Variants in TEAD1 observed in about 807,000 individuals in gnomAD.
TEAD1 encodes the protein transcriptional enhancer factor TEF-1.
TEAD1 carries 9 observed loss-of-function variants against 54.9 expected under a neutral mutation model. The observed-to-expected ratio is 0.16, with a 90% CI of 0.10 to 0.29. TEAD1 has a LOEUF of 0.29. Among genes scored for constraint, TEAD1 ranks in the 10% least tolerant of loss-of-function variants. The pLI is 1.00. For synonymous variants in TEAD1, 200 were observed against 187.8 expected, an observed-to-expected ratio of 1.07 and a Z score of -0.53; for missense variants, 387 against 535.9, an observed-to-expected ratio of 0.72 and a Z score of 2.74.
intron 12 of TEAD1, among the ~76,000 whole-genome samples, chr11:12,935,942 A>G (rs555451303): frequency 3.9e-5 from 6 of 152,260 alleles, no homozygotes; most frequent in African/African-American, 1.4e-4. Flanking sequence ...GATGTACTGC[A>G]AGACTATTCT....
At chr11:12,773,754 T>C (rs1945360409) in intron 3 of TEAD1, among the ~76,000 whole-genome samples, 1 of 152,236 alleles carries the variant, frequency 6.6e-6, no homozygotes, top group Non-Finnish European at 1.5e-5. Flanking sequence ...AAAGAACTTT[T>C]AGCAGAGCAA....
intron 5 of TEAD1, among the ~76,000 whole-genome samples, chr11:12,876,190 A>G (rs970990902): frequency 6.6e-6 from 1 of 152,202 alleles, no homozygotes; most frequent in Non-Finnish European, 1.5e-5. Flanking sequence ...GAAGAAAAAG[A>G]TCATGTTCTG....
rs547842741 is a variant in TEAD1 at position 12,702,798 on chromosome 11, T to G, written c.-55+27237T>G. 2.0e-5 allele frequency among the ~76,000 whole-genome samples: 3 copies of G among 152,322 alleles called. No individual in the cohort carries two copies. The East Asian group carries it at 5.8e-4, about 29-fold the overall frequency. ...TCAGCAGGTTAATTAATTTGCTGCA[T>G]CATCATCACCATCATTATCCGATAA... On this transcript the variant is annotated intron_variant, in intron 2 of 12. Transcript: ENST00000527636.
At chr11:12,793,875 C>T (rs746978949) in intron 3 of TEAD1, among the ~76,000 whole-genome samples, 20 of 152,272 alleles carry the variant, frequency 1.3e-4, no homozygotes, top group Middle Eastern at 3.4e-3. Flanking sequence ...GTTCAAAAGC[C>T]GTTCCTTACT....
At chr11:12,918,020 A>G (rs539862645) in intron 10 of TEAD1, among the ~76,000 whole-genome samples, 5 of 152,226 alleles carry the variant, frequency 3.3e-5, no homozygotes, top group Non-Finnish European at 7.3e-5. Context: ...GTGGTTAGGT[A>G]AAAGCTGATT....
At chr11:12,711,315 A>T (rs1429935775) in intron 2 of TEAD1, among the ~76,000 whole-genome samples, 1 of 152,202 alleles carries the variant, frequency 6.6e-6, no homozygotes, top group Non-Finnish European at 1.5e-5. Context: ...AGGAGTTGGA[A>T]GAGATTGAGG....
intron 2 of TEAD1, among the ~76,000 whole-genome samples, chr11:12,678,070 T>A (rs1376791354): frequency 2.0e-5 from 3 of 152,154 alleles, no homozygotes; most frequent in Non-Finnish European, 4.4e-5. Context: ...GTAGAGAGAT[T>A]GTGAAAGGGA....
chr11:12,922,220 G>T (rs1306740040), intron 10 of TEAD1, among the ~76,000 whole-genome samples: 1 of 43,062 alleles, frequency 2.3e-5, no homozygotes, highest in Admixed American at 2.4e-4. Context: ...TTTTTGAGAC[G>T]GAGTCTCGCT....
At chr11:12,774,496 A>G (rs4757914) in intron 3 of TEAD1, among the ~76,000 whole-genome samples, 11,171 of 152,186 alleles carry the variant, frequency 0.073, 1,405 homozygotes, top group African/African-American at 0.25. Flanking sequence ...GAACAGTGGG[A>G]CAGGAGGTAT....
intron 3 of TEAD1, among the ~76,000 whole-genome samples, chr11:12,807,653 G>T (rs973643617): frequency 1.3e-5 from 2 of 152,224 alleles, no homozygotes; most frequent in Non-Finnish European, 2.9e-5. Flanking sequence ...TGTAAGGAAG[G>T]CCTATGGGTT....
At chr11:12,776,324 C>A (rs943243297) in intron 3 of TEAD1, among the ~76,000 whole-genome samples, 8 of 152,262 alleles carry the variant, frequency 5.3e-5, no homozygotes, top group African/African-American at 1.9e-4. Flanking sequence ...CATAGGCTCA[C>A]ACCGCAAATA....
intron 9 of TEAD1, among the ~76,000 whole-genome samples, chr11:12,885,905 C>T (rs1299729241): frequency 6.6e-6 from 1 of 152,194 alleles, no homozygotes; most frequent in Non-Finnish European, 1.5e-5. Flanking sequence ...AGGGGCTCAT[C>T]GCTGCCCAGA....
intron 10 of TEAD1, among the ~76,000 whole-genome samples, chr11:12,917,831 A>G (rs1948743127): frequency 1.3e-5 from 2 of 152,170 alleles, no homozygotes. Flanking sequence ...TTCCCCAGCC[A>G]TATTTCTAAG....
At chr11:12,729,483 T>C (rs1410644501) in intron 2 of TEAD1, among the ~76,000 whole-genome samples, 1 of 152,178 alleles carries the variant, frequency 6.6e-6, no homozygotes, top group Non-Finnish European at 1.5e-5. Context: ...CATCAGTAAG[T>C]CTGTAATAGG....
Position 12,937,389 on chromosome 11 carries a change from T to C in TEAD1, c.*167T>C. On this transcript the variant is annotated 3_prime_UTR_variant, in exon 13 of 13. Transcript: ENST00000527636. Reference sequence around the variant, plus strand: ...TCTAAATCTTGTTTGAGTGAAGTCATTTTTTCATGTGTTCATACTATCATT... The same window carrying C: ...TCTAAATCTTGTTTGAGTGAAGTCACTTTTTCATGTGTTCATACTATCATT... 1.8e-6 allele frequency: 1 copy of C among 566,276 alleles called. No individual in the cohort carries two copies. The highest frequency in any genetic ancestry group is 3.2e-6 in the Non-Finnish European group (1 of 312,332). The allele number at this position is 566,276 out of a possible 1,614,324, so 35.1% of individuals were successfully genotyped here. A position where few individuals can be genotyped will look rare whatever the true frequency, so the allele number is the denominator to read the frequency against.
At chr11:12,918,325 TTATATATATCTTGATAATTA>T (rs1180163772) in intron 10 of TEAD1, among the ~76,000 whole-genome samples, 10 of 149,878 alleles carry the variant, frequency 6.7e-5, no homozygotes, top group African/African-American at 2.4e-4. Context: ...ATATATAAAA[TTATATATATCTTGATAATTA>T]TATATATATC....
chr11:12,702,790 T>C (rs1943731070), intron 2 of TEAD1, among the ~76,000 whole-genome samples: 1 of 152,192 alleles, frequency 6.6e-6, no homozygotes, highest in Admixed American at 6.5e-5. Flanking sequence ...GTTAATTAAT[T>C]TGCTGCATCA....
At chr11:12,749,367 G>A (rs1391617549) in intron 2 of TEAD1, among the ~76,000 whole-genome samples, 1 of 152,192 alleles carries the variant, frequency 6.6e-6, no homozygotes, top group Non-Finnish European at 1.5e-5. Context: ...AGAATCTGTA[G>A]AAGGATGTAG....
chr11:12,927,844 A>G (rs944751817), intron 11 of TEAD1, among the ~76,000 whole-genome samples: 3 of 152,172 alleles, frequency 2.0e-5, no homozygotes, highest in Admixed American at 6.5e-5. Flanking sequence ...TCTGTCTTCA[A>G]TATGGCCATC....
Sources: allele counts gnomAD v4.1 joint callset (sites outside exome capture counted in the v4.1 genomes callset), GRCh38; gene constraint gnomAD v4.1.1; transcripts MANE v1.5; gene names NCBI Gene and HGNC (gene_info 2026-07-23, HGNC 2026-07-21).